C13orf42: variants seen among roughly 807,000 people sequenced by gnomAD.
C13orf42 encodes uncharacterized protein C13orf42.
intron 1 of C13orf42, among the ~76,000 whole-genome samples, chr13:51,104,321 T>A (rs1953325587): frequency 6.6e-6 from 1 of 152,180 alleles, no homozygotes. Flanking sequence ...ATCTGGCTAT[T>A]AACATTTTGA....
intron 1 of C13orf42, among the ~76,000 whole-genome samples, chr13:51,165,407 CT>C (rs1953895846): frequency 6.6e-6 from 1 of 152,208 alleles, no homozygotes; most frequent in African/African-American, 2.4e-5. Context: ...TTATCATACT[CT>C]CCTCAAATTA....
chr13:51,118,096 T>C (rs1200363888), intron 1 of C13orf42, among the ~76,000 whole-genome samples: 4 of 152,174 alleles, frequency 2.6e-5, no homozygotes, highest in African/African-American at 9.6e-5. Context: ...TGTGGCATGA[T>C]CTTGTGTCCA....
chr13:51,087,354 G>A (rs1482111832), intron 2 of C13orf42, among the ~76,000 whole-genome samples: 1 of 152,148 alleles, frequency 6.6e-6, no homozygotes, highest in African/African-American at 2.4e-5. Flanking sequence ...CCTACGTATG[G>A]TCAGAAGCTG....
At chr13:51,104,815 T>C (rs1468889941) in intron 1 of C13orf42, among the ~76,000 whole-genome samples, 1 of 147,570 alleles carries the variant, frequency 6.8e-6, no homozygotes, top group African/African-American at 2.5e-5. Flanking sequence ...GTGATGTTTA[T>C]GAGTAGGTGA....
chr13:51,153,549 A>C (rs1953798147), intron 1 of C13orf42, among the ~76,000 whole-genome samples: 1 of 151,762 alleles, frequency 6.6e-6, no homozygotes, highest in Non-Finnish European at 1.5e-5. Context: ...TTACTCTCTT[A>C]ACCATTTTAA....
At chr13:51,094,694 T>C (rs555707074) in intron 1 of C13orf42, among the ~76,000 whole-genome samples, 1 of 152,196 alleles carries the variant, frequency 6.6e-6, no homozygotes, top group Admixed American at 6.5e-5. Context: ...AGTTTTTGCT[T>C]GTCTAACAAA....
intron 1 of C13orf42, among the ~76,000 whole-genome samples, chr13:51,153,629 T>TTTTTTTTTTTTTTTTTTTTTTTTTTTTG (rs1953800841): frequency 7.2e-6 from 1 of 138,046 alleles, no homozygotes; most frequent in African/African-American, 2.8e-5. Context: ...CTGTTTTTTT[T>TTTTTTTTTTTTTTTTTTTTTTTTTTTTG]CTTTTTTTTT....
At chr13:51,113,820 G>A (rs1432360621), upstream of C13orf42, among the ~76,000 whole-genome samples, 2 of 152,100 alleles carry the variant, frequency 1.3e-5, no homozygotes, top group Non-Finnish European at 2.9e-5. Context: ...TGTGGAATGC[G>A]GACAAACATC....
At chr13:51,117,621 A>G (rs1452922079) in intron 1 of C13orf42, among the ~76,000 whole-genome samples, 1 of 151,242 alleles carries the variant, frequency 6.6e-6, no homozygotes, top group African/African-American at 2.4e-5. Flanking sequence ...AGTAAATAAA[A>G]TATCTGCGGT....
chr13:51,145,166 G>A (rs1953725207), intron 1 of C13orf42, among the ~76,000 whole-genome samples: 1 of 151,840 alleles, frequency 6.6e-6, no homozygotes, highest in African/African-American at 2.4e-5. Context: ...TTCCTAATTT[G>A]GAATCACTGA....
At chr13:51,158,523 C>T (rs545452719) in intron 1 of C13orf42, among the ~76,000 whole-genome samples, 1 of 152,254 alleles carries the variant, frequency 6.6e-6, no homozygotes, top group Non-Finnish European at 1.5e-5. Context: ...GATGGCTGCA[C>T]ATTGCAGCAA....
intron 1 of C13orf42, among the ~76,000 whole-genome samples, chr13:51,145,534 T>A (rs957624932): frequency 1.3e-5 from 2 of 152,134 alleles, no homozygotes; most frequent in African/African-American, 4.8e-5. Flanking sequence ...TCCAAAAGAT[T>A]TTTTTAAAAA....
At chr13:51,108,796 C>T (rs777489794) in intron 1 of C13orf42, among the ~76,000 whole-genome samples, 6 of 152,212 alleles carry the variant, frequency 3.9e-5, no homozygotes, top group Non-Finnish European at 5.9e-5. Flanking sequence ...AGTGTCCTTT[C>T]AAAACTCTTT....
chr13:51,098,260 C>A (rs982595827), intron 1 of C13orf42, among the ~76,000 whole-genome samples: 1 of 151,984 alleles, frequency 6.6e-6, no homozygotes, highest in Admixed American at 6.6e-5. Flanking sequence ...TATTTTTCTG[C>A]AAGAGATCTA....
Position 51,159,723 on chromosome 13 carries a change from G to A in C13orf42, n.136+12530C>T, listed in dbSNP as rs115533209. Among the ~76,000 whole-genome samples the A allele has an allele frequency of 2.4e-3, 358 of 152,268 alleles. 4 individuals are homozygous for A. The highest frequency in any genetic ancestry group is 7.5e-3 in the African/African-American group (312 of 41,556). Reference sequence around the variant, plus strand: ...AAGCTCCATTAAGTCAGCTGACTCCGAATATGCAATGTATATTTTGCATTT... The same window carrying A: ...AAGCTCCATTAAGTCAGCTGACTCCAAATATGCAATGTATATTTTGCATTT... On this transcript the variant is annotated intron_variant and non_coding_transcript_variant, in intron 1 of 4. Coordinates refer to the C13orf42 transcript ENST00000433280.
At chr13:51,093,759 T>C (rs961800348) in intron 1 of C13orf42, among the ~76,000 whole-genome samples, 1 of 152,194 alleles carries the variant, frequency 6.6e-6, no homozygotes, top group Non-Finnish European at 1.5e-5. Context: ...ATTCATTATT[T>C]TACTACTAGT....
intron 1 of C13orf42, among the ~76,000 whole-genome samples, chr13:51,117,059 G>C (rs1352079145): frequency 6.6e-6 from 1 of 152,226 alleles, no homozygotes; most frequent in Non-Finnish European, 1.5e-5. Context: ...AAGGGTGTGA[G>C]TACTAGAAGA....
chr13:51,142,319 T>C (rs1953701431), intron 1 of C13orf42, among the ~76,000 whole-genome samples: 1 of 152,220 alleles, frequency 6.6e-6, no homozygotes, highest in African/African-American at 2.4e-5. Flanking sequence ...GCTTGGAAGT[T>C]ATGAGAAAGA....
chr13:51,164,123 G>A (rs1449207215), intron 1 of C13orf42, among the ~76,000 whole-genome samples: 8 of 152,184 alleles, frequency 5.3e-5, no homozygotes, highest in Non-Finnish European at 1.2e-4. Context: ...GCAGCGTACG[G>A]CTAGCGCTCA....
Sources: allele counts gnomAD v4.1 joint callset (sites outside exome capture counted in the v4.1 genomes callset), GRCh38; gene constraint gnomAD v4.1.1; transcripts MANE v1.5; gene names NCBI Gene and HGNC (gene_info 2026-07-23, HGNC 2026-07-21).